The following MTMR14 variants were observed in gnomAD, a reference collection of about 807,000 sequenced individuals.
MTMR14 encodes phosphatidylinositol-3,5-bisphosphate 3-phosphatase MTMR14.
MTMR14 carries 48 observed loss-of-function variants against 86.3 expected under a neutral mutation model. The ratio of observed to expected loss-of-function variants is 0.56; its 90% CI spans 0.44 to 0.71. The LOEUF is 0.71. Among genes scored for constraint, MTMR14 ranks in the 30% least tolerant of loss-of-function variants. MTMR14 has a pLI of 0.00. For synonymous variants in MTMR14, 366 were observed against 326.1 expected (o/e 1.12, Z -1.32); for missense variants, 780 against 834.6 (o/e 0.93, Z 0.81).
intron 9 of MTMR14, among the ~76,000 whole-genome samples, chr3:9,679,881 G>A (rs1427110982): frequency 2.6e-5 from 4 of 152,088 alleles, no homozygotes; most frequent in Non-Finnish European, 4.4e-5. Flanking sequence ...GCAGGCAGGC[G>A]CCTCCCAAGA....
intron 17 of MTMR14, among the ~76,000 whole-genome samples, chr3:9,692,468 T>C (rs1048932554): frequency 6.6e-6 from 1 of 152,206 alleles, no homozygotes; most frequent in Non-Finnish European, 1.5e-5. Context: ...TTCTGGACCA[T>C]TGTTAAATCT....
chr3:9,689,417 G>A (rs1380128912), intron 16 of MTMR14, among the ~76,000 whole-genome samples: 1 of 152,196 alleles, frequency 6.6e-6, no homozygotes, highest in Non-Finnish European at 1.5e-5. Context: ...TTTGGAAAAA[G>A]AAAACCAAAA....
Position 9,649,549 on chromosome 3 carries a change from G to C in MTMR14, c.-35G>C. 5.9e-6 allele frequency: 9 copies of C among 1,525,596 alleles called. No homozygotes were observed. The highest frequency in any genetic ancestry group is 7.9e-6 in the Non-Finnish European group (9 of 1,137,868). 94.5% of individuals were successfully genotyped at this position (1,525,596 alleles called of 1,614,324 possible). A position where few individuals can be genotyped will look rare whatever the true frequency, so the allele number is the denominator to read the frequency against. On this transcript the variant is annotated 5_prime_UTR_variant, in exon 1 of 19. Coordinates refer to ENST00000296003, the MANE Select transcript of MTMR14 (RefSeq NM_001077525.3). ...GGGTGCAGGCAGGTGCCATGGGCCC[G>C]CTTGAGGCACACTGAGGGGACGCGG...
intron 2 of MTMR14, among the ~76,000 whole-genome samples, chr3:9,657,122 C>T (rs553812144): frequency 1.3e-5 from 2 of 151,898 alleles, no homozygotes; most frequent in African/African-American, 4.8e-5. Flanking sequence ...GCTGCATTGC[C>T]CAGGTGGGTC....
chr3:9,663,865 T>C (rs137929914), intron 3 of MTMR14, among the ~76,000 whole-genome samples: 7,576 of 150,584 alleles, frequency 0.05, 204 homozygotes, highest in South Asian at 0.13. Context: ...CTTGGCTCAC[T>C]GCAACCTCCA....
chr3:9,657,561 A>G (rs2047680906), intron 2 of MTMR14, among the ~76,000 whole-genome samples: 1 of 150,184 alleles, frequency 6.7e-6, no homozygotes, highest in Admixed American at 6.6e-5. Flanking sequence ...TTTTTTTTCA[A>G]TTTGATATGG....
chr3:9,683,574 T>C (rs1335992387), intron 10 of MTMR14: 3 of 340,416 alleles, frequency 8.8e-6, no homozygotes, highest in African/African-American at 6.4e-5. Context: ...AGGCATGAGA[T>C]GAGAGAATCA....
intron 2 of MTMR14, chr3:9,659,734 G>T (rs1442414188): frequency 2.2e-6 from 1 of 456,160 alleles, no homozygotes; most frequent in Non-Finnish European, 4.4e-6. Context: ...GAGCCACTGT[G>T]CCTGGCCAGA....
At chr3:9,662,437 A>T in intron 3 of MTMR14, 62 bp downstream of exon 3, 1 of 1,382,492 alleles carries the variant, frequency 7.2e-7, no homozygotes, top group Admixed American at 1.7e-5. Flanking sequence ...GACTTACTGC[A>T]AAGTATAGGG....
rs764158241 is a variant in MTMR14, at chr3:9,654,932, A to G, written c.308+1163A>G. 3.0e-4 allele frequency among the ~76,000 whole-genome samples: 46 copies of G among 152,296 alleles called. 1 individual carries two copies. The highest frequency in any genetic ancestry group is 6.8e-3 in the Middle Eastern group (2 of 294). On this transcript the variant is annotated intron_variant, in intron 2 of 18. Coordinates refer to ENST00000296003, the MANE Select transcript of MTMR14 (RefSeq NM_001077525.3). The stretch of plus-strand genomic sequence containing the variant: ...GTTTATGTGCCTGGGAAGAACTGGA[A>G]TTGGAAGGATGAGCAGGAGTTTCCC...
chr3:9,682,941 C>A (rs925814371), intron 9 of MTMR14, among the ~76,000 whole-genome samples: 1 of 151,628 alleles, frequency 6.6e-6, no homozygotes. Context: ...GAGCCCCCCC[C>A]CCGCCCCCGC....
chr3:9,691,451 A>G (rs1233536106), intron 17 of MTMR14, among the ~76,000 whole-genome samples: 2 of 152,150 alleles, frequency 1.3e-5, no homozygotes, highest in Non-Finnish European at 2.9e-5. Context: ...TCACTGTTCT[A>G]GGCTGTGGCT....
intron 13 of MTMR14, among the ~76,000 whole-genome samples, chr3:9,686,004 C>G (rs2075937183): frequency 6.6e-6 from 1 of 152,138 alleles, no homozygotes; most frequent in Admixed American, 6.5e-5. Context: ...CCCACGGTGT[C>G]AGCTCCTTCT....
At chr3:9,669,311 G>A (rs748475793) in intron 4 of MTMR14, 121 bp from the exon 5 acceptor site, 224 of 871,672 alleles carry the variant, frequency 2.6e-4, no homozygotes, top group Middle Eastern at 6.7e-4. Context: ...GTGTCCTTAG[G>A]AGTAGAGCCA....
intron 7 of MTMR14, among the ~76,000 whole-genome samples, chr3:9,673,730 A>G (rs966771037): frequency 1.9e-4 from 29 of 152,056 alleles, no homozygotes; most frequent in African/African-American, 6.0e-4. Context: ...GTCTCCTTGA[A>G]CAAGTCCTAT....
At chr3:9,659,895 A>G (rs1322895788) in intron 2 of MTMR14, 1 of 453,198 alleles carries the variant, frequency 2.2e-6, no homozygotes, top group Admixed American at 2.4e-5. Context: ...TGTTTTTAAC[A>G]GAAGTTTAGC....
intron 16 of MTMR14, among the ~76,000 whole-genome samples, chr3:9,689,344 G>T (rs1007821490): frequency 1.3e-5 from 2 of 152,214 alleles, no homozygotes; most frequent in African/African-American, 4.8e-5. Flanking sequence ...TAGGGCAGGG[G>T]TCTGGGGAGG....
At chr3:9,670,239 C>T (rs927047862) in intron 5 of MTMR14, among the ~76,000 whole-genome samples, 1 of 152,232 alleles carries the variant, frequency 6.6e-6, no homozygotes, top group Non-Finnish European at 1.5e-5. Flanking sequence ...GGGCATCTTG[C>T]TATGCCCAGG....
intron 3 of MTMR14, among the ~76,000 whole-genome samples, chr3:9,666,885 C>A (rs1219572994): frequency 6.6e-6 from 1 of 152,168 alleles, no homozygotes; most frequent in African/African-American, 2.4e-5. Context: ...GGTTATGAGT[C>A]AGAACCATGA....
Sources: allele counts gnomAD v4.1 joint callset (sites outside exome capture counted in the v4.1 genomes callset), GRCh38; gene constraint gnomAD v4.1.1; transcripts MANE v1.5; gene names NCBI Gene and HGNC (gene_info 2026-07-23, HGNC 2026-07-21).